The following PRKN variants were observed in gnomAD, a reference collection of about 807,000 sequenced individuals.
PRKN encodes E3 ubiquitin-protein ligase parkin.
In PRKN, 56 loss-of-function variants were observed where a neutral mutation model predicts 59.5. That is an observed-to-expected ratio of 0.94 (90% confidence interval 0.76 to 1.18). The LOEUF (loss-of-function observed/expected upper bound fraction) is 1.18. PRKN is among the 50% of genes most tolerant of loss of function. The pLI is 0.00. For synonymous variants in PRKN, 250 were observed against 222.1 expected, an observed-to-expected ratio of 1.13 and a Z score of -1.12; for missense variants, 657 against 596.4, an observed-to-expected ratio of 1.10 and a Z score of -1.06.
chr6:161,751,087 C>T (rs1788672585), intron 7 of PRKN, among the ~76,000 whole-genome samples: 1 of 152,130 alleles, frequency 6.6e-6, no homozygotes, highest in Non-Finnish European at 1.5e-5. Flanking sequence ...ATAAATAATA[C>T]ATACTGGTAG....
At chr6:161,615,080 G>T (rs774787997) in intron 7 of PRKN, among the ~76,000 whole-genome samples, 13 of 152,180 alleles carry the variant, frequency 8.5e-5, no homozygotes, top group Middle Eastern at 6.8e-3. Flanking sequence ...ATATTAGGTT[G>T]ATGCAAAAGT....
At chr6:161,736,961 G>A (rs903786428) in intron 7 of PRKN, among the ~76,000 whole-genome samples, 2 of 152,134 alleles carry the variant, frequency 1.3e-5, no homozygotes, top group Admixed American at 6.5e-5. Flanking sequence ...TGTGTGAGTC[G>A]GAGCTCACAG....
intron 7 of PRKN, among the ~76,000 whole-genome samples, chr6:161,644,965 C>G (rs1469110033): frequency 6.6e-6 from 1 of 152,240 alleles, no homozygotes; most frequent in Non-Finnish European, 1.5e-5. Flanking sequence ...GACCTAGAAT[C>G]TGTCCTTGCC....
At chr6:161,565,728 C>T (rs1341567970) in intron 8 of PRKN, among the ~76,000 whole-genome samples, 1 of 152,148 alleles carries the variant, frequency 6.6e-6, no homozygotes, top group Non-Finnish European at 1.5e-5. Flanking sequence ...TTACTTATAG[C>T]AATGTGAGAC....
At chr6:162,293,808 A>G (rs1434440415) in intron 2 of PRKN, among the ~76,000 whole-genome samples, 1 of 152,148 alleles carries the variant, frequency 6.6e-6, no homozygotes, top group Non-Finnish European at 1.5e-5. Flanking sequence ...ACAGAGGAAG[A>G]AGGGAGACAG....
At chr6:162,641,766 G>C (rs914598184) in intron 1 of PRKN, among the ~76,000 whole-genome samples, 5 of 152,006 alleles carry the variant, frequency 3.3e-5, no homozygotes, top group Non-Finnish European at 7.4e-5. Context: ...TCATTTTCTA[G>C]TTTTGTTTTA....
At position 161,566,313 on chromosome 6, in the gene PRKN, G is replaced by A. The variant is rs1300309882; in HGVS notation, c.933+3042C>T. On this transcript the variant is annotated intron_variant, in intron 8 of 11. Coordinates refer to ENST00000366898, the MANE Select transcript of PRKN (RefSeq NM_004562.3). This position sits in a 1 kb window ranked among gnomAD's most constrained non-coding sequence, Gnocchi z 4.1. ...TTCTCATCCTTGTCCTTCTTGCTGA[G>A]CATAGGACACAGATCATGATTCCTC... Among the ~76,000 whole-genome samples the A allele has an allele frequency of 6.6e-6, 1 of 152,186 alleles. No individual in the cohort carries two copies.
intron 4 of PRKN, among the ~76,000 whole-genome samples, chr6:162,064,965 A>G (rs537144893): frequency 2.5e-4 from 38 of 152,340 alleles, no homozygotes; most frequent in Non-Finnish European, 5.0e-4. Flanking sequence ...ATAATACACC[A>G]TGGGTATGCT....
intron 5 of PRKN, among the ~76,000 whole-genome samples, chr6:162,045,087 T>C (rs1784201790): frequency 6.6e-6 from 1 of 152,192 alleles, no homozygotes; most frequent in Non-Finnish European, 1.5e-5. Context: ...GAAGAGATGC[T>C]TGGTAAGCTT....
intron 7 of PRKN, among the ~76,000 whole-genome samples, chr6:161,614,454 T>C (rs1024451500): frequency 6.6e-6 from 1 of 152,342 alleles, no homozygotes; most frequent in Non-Finnish European, 1.5e-5. Flanking sequence ...TTAAAACATC[T>C]TTTAGCATGC....
intron 2 of PRKN, among the ~76,000 whole-genome samples, chr6:162,320,421 A>C (rs1782965838): frequency 1.2e-5 from 1 of 81,602 alleles, no homozygotes; most frequent in Admixed American, 1.1e-4. Flanking sequence ...AAAAAAACCA[A>C]AAAAAAAAAA....
chr6:161,733,213 T>G (rs1276115116), intron 7 of PRKN, among the ~76,000 whole-genome samples: 1 of 152,214 alleles, frequency 6.6e-6, no homozygotes, highest in Non-Finnish European at 1.5e-5. Flanking sequence ...ATATGGATTT[T>G]TAAGTCTTAA....
At chr6:162,029,516 C>T (rs1409375334) in intron 5 of PRKN, among the ~76,000 whole-genome samples, 1 of 152,154 alleles carries the variant, frequency 6.6e-6, no homozygotes, top group African/African-American at 2.4e-5. Context: ...CCTATTTGCT[C>T]ATCCCAGTTT....
At chr6:161,993,669 G>C (rs1262133262) in intron 5 of PRKN, among the ~76,000 whole-genome samples, 1 of 152,170 alleles carries the variant, frequency 6.6e-6, no homozygotes, top group Non-Finnish European at 1.5e-5. Context: ...CAAGATCACT[G>C]TCTTAGTCGA....
intron 6 of PRKN, among the ~76,000 whole-genome samples, chr6:161,949,326 C>T (rs984177954): frequency 2.0e-5 from 3 of 152,168 alleles, no homozygotes; most frequent in Non-Finnish European, 4.4e-5. Context: ...GCCTGGCCAA[C>T]ATGGTGAAAC....
intron 6 of PRKN, among the ~76,000 whole-genome samples, chr6:161,801,134 C>T (rs1420185747): frequency 6.6e-6 from 1 of 152,194 alleles, no homozygotes; most frequent in Non-Finnish European, 1.5e-5. Flanking sequence ...CCACTGTCCA[C>T]AGCCCACCGG....
At chr6:161,788,167 A>C (rs1790500404) in intron 6 of PRKN, among the ~76,000 whole-genome samples, 1 of 152,162 alleles carries the variant, frequency 6.6e-6, no homozygotes, top group Non-Finnish European at 1.5e-5. Context: ...TGTCTCCTTC[A>C]GTTTTAATAT....
intron 5 of PRKN, among the ~76,000 whole-genome samples, chr6:161,977,542 G>GTTTTTTTT (rs1554256833): frequency 5.7e-5 from 6 of 104,518 alleles, no homozygotes; most frequent in African/African-American, 1.9e-4. Flanking sequence ...TGTTTTTTTG[G>GTTTTTTTT]TTTTTTTTTT....
chr6:162,332,651 C>T (rs79837530), intron 2 of PRKN, among the ~76,000 whole-genome samples: 254 of 152,254 alleles, frequency 1.7e-3, no homozygotes, highest in African/African-American at 5.9e-3. Flanking sequence ...AGTTACATGG[C>T]TTCTTTATCC....
Sources: gnomAD v4.1 joint callset for allele counts (sites outside exome capture counted in the v4.1 genomes callset) on GRCh38, gnomAD v4.1.1 for gene constraint, Gnocchi (gnomAD v3.1) non-coding constraint, MANE v1.5 for transcripts, NCBI Gene and HGNC (gene_info 2026-07-23, HGNC 2026-07-21) for gene names.